Variants in CTNNA3 observed in about 807,000 individuals in gnomAD.
CTNNA3 encodes catenin alpha 3.
CTNNA3 carries 76 observed loss-of-function variants against 95.7 expected under a neutral mutation model. The ratio of observed to expected loss-of-function variants is 0.79; its 90% CI spans 0.66 to 0.96. CTNNA3 has a LOEUF of 0.96. Ranked by LOEUF, CTNNA3 falls within the 40% of genes least tolerant of loss-of-function variation. CTNNA3 has a pLI of 0.00. For synonymous variants in CTNNA3, 431 were observed against 374.4 expected (o/e 1.15, Z -1.74); for missense variants, 1,191 against 1,089.8 (o/e 1.09, Z -1.31).
intron 5 of CTNNA3, among the ~76,000 whole-genome samples, chr10:67,424,581 G>T (rs763141483): frequency 9.9e-5 from 15 of 151,926 alleles, no homozygotes; most frequent in Admixed American, 3.9e-4. Flanking sequence ...AGGCTTCAAG[G>T]TACCCTAGAT....
intron 5 of CTNNA3, among the ~76,000 whole-genome samples, chr10:67,415,043 C>G (rs1845495636): frequency 6.6e-6 from 1 of 152,142 alleles, no homozygotes; most frequent in Admixed American, 6.6e-5. Context: ...AACCCACAGC[C>G]AACATCAGAC....
chr10:66,805,013 C>T lies in CTNNA3; in HGVS notation c.1048-29489G>A, dbSNP rs116451718. ...TTTTCCTACCTGACTTATGTATGTG[C>T]TCAGCAGAGGGTGATTACATGATTA... On this transcript the variant is annotated intron_variant, in intron 7 of 17. Coordinates refer to ENST00000433211, the MANE Select transcript of CTNNA3 (RefSeq NM_013266.4). 5.1e-3 allele frequency among the ~76,000 whole-genome samples: 779 copies of T among 152,192 alleles called. 5 individuals carry two copies. Among genetic ancestry groups the T allele is most frequent in the Middle Eastern group, 0.024 (7 of 294 alleles).
intron 7 of CTNNA3, among the ~76,000 whole-genome samples, chr10:66,795,925 C>T (rs930125792): frequency 3.3e-5 from 5 of 152,100 alleles, no homozygotes; most frequent in Admixed American, 2.6e-4. Context: ...CCTCACATTT[C>T]TCAGCTTTCA....
intron 11 of CTNNA3, among the ~76,000 whole-genome samples, chr10:66,445,877 A>G (rs2093416553): frequency 6.6e-6 from 1 of 152,186 alleles, no homozygotes; most frequent in Non-Finnish European, 1.5e-5. Flanking sequence ...AAATTAATGA[A>G]TCCAGGAGCT....
At chr10:67,268,292 T>A (rs1263060291) in intron 5 of CTNNA3, among the ~76,000 whole-genome samples, 1 of 145,078 alleles carries the variant, frequency 6.9e-6, no homozygotes, top group Non-Finnish European at 1.5e-5. Flanking sequence ...ATAGAAAGAC[T>A]CCCATCTCTA....
At chr10:67,758,920 T>C (rs1042467208) in intron 1 of CTNNA3, among the ~76,000 whole-genome samples, 1 of 152,226 alleles carries the variant, frequency 6.6e-6, no homozygotes, top group Non-Finnish European at 1.5e-5. Flanking sequence ...TCTTGATTCT[T>C]CTTCTTACTT....
chr10:66,848,896 C>A (rs1484988973), intron 7 of CTNNA3, among the ~76,000 whole-genome samples: 3 of 152,090 alleles, frequency 2.0e-5, no homozygotes, highest in Non-Finnish European at 4.4e-5. Context: ...GGTTTTCTTT[C>A]ATAATTGAAT....
intron 7 of CTNNA3, among the ~76,000 whole-genome samples, chr10:66,923,728 C>T (rs770136225): frequency 2.6e-5 from 4 of 152,178 alleles, no homozygotes; most frequent in African/African-American, 7.2e-5. Flanking sequence ...TTTGTATATA[C>T]CTCCTTTAAG....
At chr10:67,197,185 AT>A (rs1863414376) in intron 6 of CTNNA3, among the ~76,000 whole-genome samples, 1 of 152,102 alleles carries the variant, frequency 6.6e-6, no homozygotes, top group Non-Finnish European at 1.5e-5. Context: ...AATCTGCAAA[AT>A]TTAAACAAAC....
At chr10:66,789,288 T>C (rs905816703) in intron 7 of CTNNA3, among the ~76,000 whole-genome samples, 3 of 152,028 alleles carry the variant, frequency 2.0e-5, no homozygotes, top group Non-Finnish European at 2.9e-5. Flanking sequence ...GTGCTTCTCC[T>C]GACAGCCTCC....
At chr10:66,839,736 A>T (rs918391420) in intron 7 of CTNNA3, among the ~76,000 whole-genome samples, 1 of 152,196 alleles carries the variant, frequency 6.6e-6, no homozygotes, top group Non-Finnish European at 1.5e-5. Flanking sequence ...CAAACTGGAA[A>T]ATCAAAATAA....
chr10:66,018,305 A>T (rs2079135199), intron 15 of CTNNA3, among the ~76,000 whole-genome samples: 1 of 151,996 alleles, frequency 6.6e-6, no homozygotes, highest in Non-Finnish European at 1.5e-5. Context: ...GTTTGTATTC[A>T]CTGCTTTTTA....
intron 1 of CTNNA3, among the ~76,000 whole-genome samples, chr10:67,762,033 C>T (rs1302537757): frequency 6.6e-6 from 1 of 151,936 alleles, no homozygotes; most frequent in Non-Finnish European, 1.5e-5. Context: ...CTTCTGTATT[C>T]CTAACTTGCC....
chr10:67,564,677 GTA>G (rs71006151), intron 3 of CTNNA3, among the ~76,000 whole-genome samples: 9,502 of 61,064 alleles, frequency 0.16, 581 homozygotes, highest in Non-Finnish European at 0.2. Context: ...GTGTGTGTGT[GTA>G]TATATATATA....
chr10:66,107,556 T>C (rs2081957475), intron 13 of CTNNA3, among the ~76,000 whole-genome samples: 2 of 152,290 alleles, frequency 1.3e-5, no homozygotes, highest in Admixed American at 6.5e-5. Context: ...CTGAGGTGTT[T>C]ACATAGAAGC....
chr10:67,030,602 C>T (rs915225141), intron 7 of CTNNA3, among the ~76,000 whole-genome samples: 1 of 152,054 alleles, frequency 6.6e-6, no homozygotes, highest in Admixed American at 6.6e-5. Flanking sequence ...TCTGATTTTG[C>T]ATATTTTCAT....
At chr10:67,671,606 G>A (rs368177907) in intron 1 of CTNNA3, among the ~76,000 whole-genome samples, 3 of 151,086 alleles carry the variant, frequency 2.0e-5, no homozygotes, top group African/African-American at 4.9e-5. Flanking sequence ...GAGAACATGC[G>A]GTGTTTGGTT....
chr10:66,877,712 C>G (rs1038056491), intron 7 of CTNNA3, among the ~76,000 whole-genome samples: 1 of 152,076 alleles, frequency 6.6e-6, no homozygotes, highest in Non-Finnish European at 1.5e-5. Context: ...TTTAGAATCA[C>G]CCCTTTTTAT....
intron 7 of CTNNA3, among the ~76,000 whole-genome samples, chr10:67,128,136 A>C (rs747747505): frequency 1.3e-5 from 2 of 152,060 alleles, no homozygotes; most frequent in Admixed American, 6.6e-5. Context: ...GTGATGGTTA[A>C]TTTTATGTGT....
Sources: gnomAD v4.1 joint callset for allele counts (sites outside exome capture counted in the v4.1 genomes callset) on GRCh38, gnomAD v4.1.1 for gene constraint, MANE v1.5 for transcripts, NCBI Gene and HGNC (gene_info 2026-07-23, HGNC 2026-07-21) for gene names.